MAP4K1: variants seen among roughly 807,000 people sequenced by gnomAD.
The protein encoded by MAP4K1 is mitogen-activated protein kinase kinase kinase kinase 1.
MAP4K1 carries 35 observed loss-of-function variants against 122.8 expected under a neutral mutation model. The ratio of observed to expected loss-of-function variants is 0.29; its 90% confidence interval spans 0.22 to 0.38. MAP4K1 has a LOEUF of 0.38. Ranked by LOEUF, MAP4K1 falls within the 10% of genes least tolerant of loss-of-function variation. The pLI, the probability that MAP4K1 is intolerant of heterozygous loss-of-function variation, is 1.00. For synonymous variants in MAP4K1, 412 were observed against 421.3 expected, an observed-to-expected ratio of 0.98 and a Z score of 0.27; for missense variants, 791 against 1,072.6, an observed-to-expected ratio of 0.74 and a Z score of 3.67.
intron 3 of MAP4K1, 42 bp from the exon 4 acceptor site, chr19:38,616,301 CATT>C (rs746209641): frequency 3.3e-6 from 5 of 1,497,838 alleles, no homozygotes; most frequent in East Asian, 4.6e-5. Flanking sequence ...GCAGTAAATA[CATT>C]ATTATTTGCA....
intron 26 of MAP4K1, 136 bp downstream of exon 26, chr19:38,596,176 C>A: frequency 7.5e-7 from 1 of 1,324,568 alleles, no homozygotes. Context: ...TTAACTAAAA[C>A]CTGCCATTCT....
At position 38,613,874 on chromosome 19, in the gene MAP4K1, A is replaced by G; in HGVS notation, c.533+6T>C. ...CACCCCTAGCTGCCCGCTGGGCGCC[A>G]CTCACCAGTAGGGTGTCCCAATGAA... On this transcript the variant is annotated splice_donor_region_variant and intron_variant, in intron 8 of 30. Coordinates refer to ENST00000396857, the MANE Select transcript of MAP4K1 (RefSeq NM_001042600.3). 1 of 1,603,058 alleles carries G rather than the reference A, an allele frequency of 6.2e-7. No homozygotes were observed.
chr19:38,594,633 C>T (rs958176791), intron 29 of MAP4K1, among the ~76,000 whole-genome samples: 6 of 151,498 alleles, frequency 4.0e-5, no homozygotes, highest in Non-Finnish European at 8.8e-5. Flanking sequence ...GAGCGAGACT[C>T]TGTCTCAAAA....
At chr19:38,607,038 GA>G (rs1975349226) in intron 16 of MAP4K1, among the ~76,000 whole-genome samples, 1 of 152,124 alleles carries the variant, frequency 6.6e-6, no homozygotes, top group Non-Finnish European at 1.5e-5. Flanking sequence ...AAAAAGATAG[GA>G]AAAGCTGAGG....
chr19:38,610,048 G>C, intron 11 of MAP4K1, 23 bp from the exon 12 acceptor site: 1 of 1,520,502 alleles, frequency 6.6e-7, no homozygotes, highest in Non-Finnish European at 9.1e-7. Flanking sequence ...AGAGGTGTCC[G>C]TATCCAGAGG....
chr19:38,613,975 T>C (rs1975574039), intron 7 of MAP4K1, 23 bp from the exon 8 acceptor site: 1 of 1,613,554 alleles, frequency 6.2e-7, no homozygotes, highest in African/African-American at 1.3e-5. Flanking sequence ...GGAGACATAG[T>C]GATCTGGGGT....
rs190075386 is a variant in MAP4K1 at position 38,612,600 on chromosome 19, C to G, written c.665+11G>C. On this transcript the variant is annotated intron_variant, in intron 9 of 30. Transcript: ENST00000396857. ...AGGATCTCTGGGCCTGGGGACCCCA[C>G]GCCTGCCTACCTGAGAGGGTGCACA... 2 of 1,609,852 alleles carry G rather than the reference C, an allele frequency of 1.2e-6. No homozygotes were observed. Among genetic ancestry groups the G allele is most frequent in the African/African-American group, 1.3e-5 (1 of 74,876 alleles).
chr19:38,598,079 G>A (rs1974943388), intron 22 of MAP4K1, among the ~76,000 whole-genome samples: 1 of 151,994 alleles, frequency 6.6e-6, no homozygotes, highest in Non-Finnish European at 1.5e-5. Context: ...CACCCAGGCT[G>A]GAGTGCAGTG....
chr19:38,615,120 G>A (rs1975611369), intron 4 of MAP4K1, among the ~76,000 whole-genome samples: 2 of 151,940 alleles, frequency 1.3e-5, no homozygotes, highest in African/African-American at 2.4e-5. Flanking sequence ...GGTGACAGTG[G>A]GTGAAGACAT....
intron 9 of MAP4K1, 48 bp downstream of exon 9, chr19:38,612,563 C>T: frequency 6.4e-7 from 1 of 1,562,322 alleles, no homozygotes; most frequent in Non-Finnish European, 8.7e-7. Flanking sequence ...GGGCTTTGGG[C>T]CAGGGCTAGA....
In MAP4K1 at chr19:38,595,711, G is replaced by A; in HGVS notation, c.2198C>T (p.Thr733Ile). The stretch of plus-strand genomic sequence containing the variant: ...TCCCCGGACTGGGGACCCCTCCGGG[G>A]TCACCAGCTTCACAGAGCCTGGAAG... ...VLMDGSVKLVTPEGSPVRGLR... is the reference protein window; with the variant it reads ...VLMDGSVKLVIPEGSPVRGLR... Residue 733 changes from threonine to isoleucine, a missense_variant, in exon 28 of 31, where the codon ACC (threonine) becomes ATC (isoleucine). By Grantham distance (89) the Thr-to-Ile change is moderately conservative. This residue lies in a region of MAP4K1 where 267 missense variants were observed against 323.0 expected (regional missense o/e 0.83). Coordinates refer to ENST00000396857, the MANE Select transcript of MAP4K1 (RefSeq NM_001042600.3). The A allele has an allele frequency of 6.2e-7, 1 of 1,605,336 alleles. No homozygotes were observed. The highest frequency in any genetic ancestry group is 8.5e-7 in the Non-Finnish European group (1 of 1,176,790).
chr19:38,590,384 AAAAAAAAAAAATATATATATATATATAT>A (rs1412234461), intron 30 of MAP4K1, among the ~76,000 whole-genome samples: 1,284 of 73,560 alleles, frequency 0.017, 130 homozygotes, highest in African/African-American at 0.076. Flanking sequence ...AAAAAAAAAA[AAAAAAAAAAAATATATATATATATATAT>A]ATATATATAT....
intron 22 of MAP4K1, among the ~76,000 whole-genome samples, chr19:38,598,742 G>A (rs755281935): frequency 6.6e-6 from 1 of 152,098 alleles, no homozygotes; most frequent in African/African-American, 2.4e-5. Context: ...GGCTGGGCAC[G>A]GTGGCTTACA....
At position 38,590,389 on chromosome 19, in the gene MAP4K1, AAAAAAATATATATATATATATATAT is replaced by A. The variant is rs1322654786; in HGVS notation, c.2397-2597_2397-2573del. Among the ~76,000 whole-genome samples, 32 of 46,912 alleles carry A rather than the reference AAAAAAATATATATATATATATATAT, an allele frequency of 6.8e-4. 2 individuals are homozygous for A. The highest frequency in any genetic ancestry group is 7.1e-4 in the Non-Finnish European group (19 of 26,864). 30.8% of individuals were successfully genotyped at this position (46,912 alleles called of 152,430 possible). ...CTTGGACCAGAAAAAAAAAAAAAAA[AAAAAAATATATATATATATATATAT>A]ATATATATATATATATATATATAAT... On this transcript the variant is annotated intron_variant, in intron 30 of 30. Transcript: ENST00000396857.
intron 16 of MAP4K1, 111 bp downstream of exon 16, chr19:38,607,753 A>C: frequency 8.3e-7 from 1 of 1,203,330 alleles, no homozygotes; most frequent in Non-Finnish European, 1.2e-6. Context: ...GGGCTAGAAG[A>C]AAGGCAGGGG....
intron 3 of MAP4K1, among the ~76,000 whole-genome samples, chr19:38,616,659 A>G (rs1975655991): frequency 6.6e-6 from 1 of 152,088 alleles, no homozygotes; most frequent in African/African-American, 2.4e-5. Flanking sequence ...GGGATCAGGG[A>G]ATTTAGGAGT....
intron 29 of MAP4K1, 89 bp from the exon 30 acceptor site, chr19:38,593,426 G>A (rs1974785812): frequency 1.6e-6 from 2 of 1,213,590 alleles, no homozygotes; most frequent in Non-Finnish European, 2.3e-6. Flanking sequence ...CAAGGAGCTG[G>A]GCACGGTGGC....
At chr19:38,591,661 TAAAAATC>T (rs1261952876) in intron 30 of MAP4K1, among the ~76,000 whole-genome samples, 1 of 151,328 alleles carries the variant, frequency 6.6e-6, no homozygotes, top group Non-Finnish European at 1.5e-5. Context: ...TTTAATAAGA[TAAAAATC>T]TAAAATAAAA....
At position 38,617,637 on chromosome 19, in the gene MAP4K1, G is replaced by A. The variant is rs1975689349; in HGVS notation, c.100-12C>T. 1.2e-6 allele frequency: 2 copies of A among 1,613,958 alleles called. No individual in the cohort carries two copies. Among genetic ancestry groups the A allele is most frequent in the Non-Finnish European group, 1.7e-6 (2 of 1,179,998 alleles). ...ACCTTGTCTCGAGCCTTGCAAAGGG[G>A]AAGTTGGCAGTCAGGCAGGCTCCAT... On this transcript the variant is annotated splice_polypyrimidine_tract_variant and intron_variant, in intron 1 of 30. Transcript: ENST00000396857. This position sits in a 1 kb window ranked among gnomAD's most constrained non-coding sequence, Gnocchi z 4.1.
Sources: allele counts gnomAD v4.1 joint callset (sites outside exome capture counted in the v4.1 genomes callset), GRCh38; gene constraint gnomAD v4.1.1; regional missense constraint gnomAD v4.1.1; non-coding constraint Gnocchi (gnomAD v3.1); transcripts MANE v1.5; gene names NCBI Gene and HGNC (gene_info 2026-07-23, HGNC 2026-07-21).